Variants in ARHGAP15 observed in about 807,000 individuals in gnomAD.
ARHGAP15 encodes the protein rho GTPase-activating protein 15.
ARHGAP15 carries 51 observed loss-of-function variants against 63.7 expected under a neutral mutation model. That is an observed-to-expected ratio of 0.80 (90% CI 0.64 to 1.01). ARHGAP15 has a LOEUF of 1.01. ARHGAP15 is among the 50% of genes least tolerant of loss of function. ARHGAP15 has a pLI of 0.00. For synonymous variants in ARHGAP15, 191 were observed against 193.8 expected (o/e 0.99, Z 0.12); for missense variants, 560 against 564.6 (o/e 0.99, Z 0.08).
intron 12 of ARHGAP15, among the ~76,000 whole-genome samples, chr2:143,681,415 C>T (rs1683095434): frequency 6.6e-6 from 1 of 152,134 alleles, no homozygotes; most frequent in Admixed American, 6.6e-5. Flanking sequence ...ACTGGATTTG[C>T]AGTCCTTAAA....
At chr2:143,717,037 AT>A (rs1218287444) in intron 13 of ARHGAP15, among the ~76,000 whole-genome samples, 1 of 152,178 alleles carries the variant, frequency 6.6e-6, no homozygotes, top group Non-Finnish European at 1.5e-5. Flanking sequence ...TTTAAAAACA[AT>A]TTCCATGTCA....
chr2:143,328,184 A>G (rs1684343991), intron 6 of ARHGAP15, among the ~76,000 whole-genome samples: 3 of 152,164 alleles, frequency 2.0e-5, no homozygotes, highest in Non-Finnish European at 4.4e-5. Context: ...AGACAGTGTG[A>G]AGATTCCTCA....
rs76959338 is a variant in ARHGAP15 at position 143,586,677 on chromosome 2, ATT to A, written c.1003+30201_1003+30202del. Among the ~76,000 whole-genome samples the A allele has an allele frequency of 2.3e-3, 342 of 150,390 alleles. 1 individual carries two copies. Among genetic ancestry groups the A allele is most frequent in the African/African-American group, 7.5e-3 (310 of 41,104 alleles). ...TCTTTCCATTGCATAATATGTAAAT[ATT>A]TTTTTTTTAACTATAGGTTAACTAT... On this transcript the variant is annotated intron_variant, in intron 11 of 13. Coordinates refer to ENST00000295095, the MANE Select transcript of ARHGAP15 (RefSeq NM_018460.4).
intron 6 of ARHGAP15, among the ~76,000 whole-genome samples, chr2:143,355,866 G>A (rs557111498): frequency 1.3e-5 from 2 of 152,274 alleles, no homozygotes; most frequent in South Asian, 2.1e-4. Context: ...ATGAAGAAGA[G>A]ATACAAACTA....
intron 6 of ARHGAP15, among the ~76,000 whole-genome samples, chr2:143,383,785 A>G (rs1457712443): frequency 1.3e-5 from 2 of 152,316 alleles, no homozygotes; most frequent in African/African-American, 2.4e-5. Flanking sequence ...AGTCTTATAT[A>G]TGGTAGCTTA....
intron 6 of ARHGAP15, among the ~76,000 whole-genome samples, chr2:143,410,157 T>G (rs1460859015): frequency 6.6e-6 from 1 of 152,132 alleles, no homozygotes; most frequent in Non-Finnish European, 1.5e-5. Context: ...TAATTAAATT[T>G]TATTATACCA....
At chr2:143,765,801 G>C (rs549911829) in intron 13 of ARHGAP15, among the ~76,000 whole-genome samples, 1 of 152,102 alleles carries the variant, frequency 6.6e-6, no homozygotes, top group South Asian at 2.1e-4. Flanking sequence ...AGACTGCCTG[G>C]GCAGTCTGGG....
chr2:143,721,497 G>A (rs1266691643), intron 13 of ARHGAP15, among the ~76,000 whole-genome samples: 1 of 152,142 alleles, frequency 6.6e-6, no homozygotes, highest in African/African-American at 2.4e-5. Context: ...TGTGGCAGGG[G>A]GATATCAGCA....
At chr2:143,153,451 CAT>C (rs1207124448) in intron 1 of ARHGAP15, among the ~76,000 whole-genome samples, 2 of 151,768 alleles carry the variant, frequency 1.3e-5, no homozygotes, top group Admixed American at 6.6e-5. Context: ...CTCATGTAAG[CAT>C]ATAAAAAGGA....
At chr2:143,172,772 T>A (rs1232682853) in intron 2 of ARHGAP15, among the ~76,000 whole-genome samples, 2 of 152,058 alleles carry the variant, frequency 1.3e-5, no homozygotes, top group African/African-American at 4.8e-5. Context: ...GCTTGAGATT[T>A]CAGTGCACAC....
intron 12 of ARHGAP15, among the ~76,000 whole-genome samples, chr2:143,677,220 G>A (rs1337036862): frequency 1.3e-5 from 2 of 152,242 alleles, no homozygotes; most frequent in African/African-American, 2.4e-5. Flanking sequence ...CAGACCTGAT[G>A]AGCTTGCTCA....
intron 6 of ARHGAP15, among the ~76,000 whole-genome samples, chr2:143,282,183 T>C (rs1681882766): frequency 6.6e-6 from 1 of 152,116 alleles, no homozygotes; most frequent in South Asian, 2.1e-4. Flanking sequence ...GACTTTAATC[T>C]GCCCTCGTAT....
At chr2:143,484,089 C>A (rs957486956) in intron 8 of ARHGAP15, among the ~76,000 whole-genome samples, 3 of 151,952 alleles carry the variant, frequency 2.0e-5, no homozygotes, top group Non-Finnish European at 4.4e-5. Context: ...TTAGGCCAGG[C>A]GTGGTAGCTC....
At chr2:143,445,369 G>T (rs1690089470) in intron 8 of ARHGAP15, among the ~76,000 whole-genome samples, 1 of 151,812 alleles carries the variant, frequency 6.6e-6, no homozygotes, top group South Asian at 2.1e-4. Context: ...CACTCTGTTG[G>T]CCAGGCAGGT....
intron 1 of ARHGAP15, among the ~76,000 whole-genome samples, chr2:143,149,580 A>G (rs1335498374): frequency 2.0e-5 from 3 of 152,052 alleles, no homozygotes; most frequent in African/African-American, 7.2e-5. Flanking sequence ...AAATAGAAAT[A>G]TGATATTTTT....
intron 6 of ARHGAP15, among the ~76,000 whole-genome samples, chr2:143,282,488 G>GA (rs1681899392): frequency 6.6e-6 from 1 of 151,866 alleles, no homozygotes. Flanking sequence ...CTTGTGTCAG[G>GA]GAACTCCTCT....
Position 143,437,005 on chromosome 2 carries a change from T to C in ARHGAP15, c.666T>C (p.Asp222=). 1 of 1,606,126 alleles carries C rather than the reference T, an allele frequency of 6.2e-7. No individual in the cohort carries two copies. Among genetic ancestry groups the C allele is most frequent in the Non-Finnish European group, 8.5e-7 (1 of 1,177,790 alleles). ...AATTGCTAAGTCACTACGACAGTGA[T>C]ATAAAAGAACAGAAACCAGAGCACA... is the stretch of plus-strand genomic sequence containing the variant. ...STELLSHYDS[D]IKEQKPEHRK... is the part of the protein sequence containing the mutation. The change falls in exon 8 of 14, where the codon GAT becomes GAC. Residue 222 remains aspartate (D), a synonymous_variant. Transcript: ENST00000295095.
chr2:143,767,937 T>C lies in ARHGAP15; in HGVS notation c.1245-52T>C, dbSNP rs945341801. ...TTTTTTAATCACTCCAAAGTAGCCA[T>C]AACTTCACTTCAAACTCCAGTGAAA... On this transcript the variant is annotated intron_variant, in intron 13 of 13. Transcript: ENST00000295095. 4.5e-6 allele frequency: 7 copies of C among 1,558,534 alleles called. No homozygotes were observed. The African/African-American group carries it at 9.6e-5, about 21-fold the overall frequency.
intron 6 of ARHGAP15, among the ~76,000 whole-genome samples, chr2:143,270,535 G>C (rs987732274): frequency 6.6e-6 from 1 of 152,142 alleles, no homozygotes; most frequent in African/African-American, 2.4e-5. Context: ...CAAGTACTCT[G>C]CACATTCAAT....
Sources: allele counts gnomAD v4.1 joint callset (sites outside exome capture counted in the v4.1 genomes callset), GRCh38; gene constraint gnomAD v4.1.1; transcripts MANE v1.5; gene names NCBI Gene and HGNC (gene_info 2026-07-23, HGNC 2026-07-21).